Variants in SRPRA observed in about 807,000 individuals in gnomAD.
SRPRA encodes the protein signal recognition particle receptor subunit alpha.
SRPRA carries 30 observed loss-of-function variants against 61.1 expected under a neutral mutation model. That is an observed-to-expected ratio of 0.49 (90% CI 0.37 to 0.67). The LOEUF (loss-of-function observed/expected upper bound fraction) is 0.67. SRPRA is among the 30% of genes least tolerant of loss of function. SRPRA has a pLI of 0.00. For synonymous variants in SRPRA, 324 were observed against 299.7 expected, an observed-to-expected ratio of 1.08 and a Z score of -0.84; for missense variants, 759 against 828.4, an observed-to-expected ratio of 0.92 and a Z score of 1.03.
the SRPRA span, chr11:126,240,989 A>G: frequency 6.2e-7 from 1 of 1,613,894 alleles, no homozygotes; most frequent in Non-Finnish European, 8.5e-7. Flanking sequence ...AAATGTCTCC[A>G]TGAAGACAAG....
downstream of SRPRA, chr11:126,262,130 A>C (rs1349496914): frequency 6.2e-7 from 1 of 1,614,104 alleles, no homozygotes; most frequent in South Asian, 1.1e-5. Context: ...GCTGTAGTAC[A>C]TGAGCGAGCT....
chr11:126,240,203 G>C, the SRPRA span, among the ~76,000 whole-genome samples: 1 of 151,508 alleles, frequency 6.6e-6, no homozygotes, highest in Non-Finnish European at 1.5e-5. Context: ...CATGTCCTTT[G>C]ATTAGTTAAT....
At chr11:126,266,950 A>G (rs777831357) in intron 4 of SRPRA, 28 bp from the exon 5 acceptor site, 3 of 1,604,634 alleles carry the variant, frequency 1.9e-6, no homozygotes, top group Non-Finnish European at 1.7e-6. Context: ...CACTGAAGAA[A>G]AAAGAAGACC....
At chr11:126,242,328 G>A in the SRPRA span, among the ~76,000 whole-genome samples, 1 of 152,152 alleles carries the variant, frequency 6.6e-6, no homozygotes. Context: ...GGTGGCTCAT[G>A]CCTATAATCC....
At chr11:126,250,002 A>G in the SRPRA span, among the ~76,000 whole-genome samples, 2 of 152,102 alleles carry the variant, frequency 1.3e-5, no homozygotes, top group Admixed American at 6.6e-5. The surrounding 1 kb of genome is among the most constrained non-coding windows in gnomAD (Gnocchi z 5.1). Context: ...AGCACTTGCT[A>G]TCTGCTAAGC....
chr11:126,264,143 A>C lies in SRPRA; in HGVS notation c.1788+48T>G. The C allele has an allele frequency of 1.9e-6, 3 of 1,612,128 alleles. No individual in the cohort carries two copies. Among genetic ancestry groups the C allele is most frequent in the Non-Finnish European group, 2.5e-6 (3 of 1,178,618 alleles). Reference sequence around the variant, plus strand: ...GGAGCCAAGATTTCCTTGCAGCCTCAGCTCCTTTGTGCAGGACGCCCATTC... The same window carrying C: ...GGAGCCAAGATTTCCTTGCAGCCTCCGCTCCTTTGTGCAGGACGCCCATTC... On this transcript the variant is annotated intron_variant, in intron 13 of 13. Transcript: ENST00000332118. The surrounding 1 kb of genome is among the most constrained non-coding windows in gnomAD (Gnocchi z 5.0).
downstream of SRPRA, chr11:126,262,101 C>T (rs367937630): frequency 1.5e-4 from 238 of 1,613,796 alleles, no homozygotes; most frequent in Non-Finnish European, 1.9e-4. Context: ...ATTTTGTTCT[C>T]TTTTCTTTCT....
chr11:126,267,692 C>G lies in SRPRA; in HGVS notation c.222G>C (p.Leu74=). 1 of 1,614,076 alleles carries G rather than the reference C, an allele frequency of 6.2e-7. No individual in the cohort carries two copies. Among genetic ancestry groups the G allele is most frequent in the Non-Finnish European group, 8.5e-7 (1 of 1,180,022 alleles). The part of the protein sequence containing the change: ...LVFVVGFQKI[L]TLTYVDKLID... ...TCAATTTGTCTACATATGTCAGTGT[C>G]AGGATCTTCTGAAAACCAACCTGTT... The change falls in exon 3 of 14, where the codon CTG becomes CTC. Residue 74 remains leucine (L), a synonymous_variant. Coordinates refer to ENST00000332118, the MANE Select transcript of SRPRA (RefSeq NM_003139.4). The surrounding 1 kb of genome is among the most constrained non-coding windows in gnomAD (Gnocchi z 4.2).
the SRPRA span, among the ~76,000 whole-genome samples, chr11:126,246,299 C>T: frequency 6.6e-6 from 1 of 152,136 alleles, no homozygotes; most frequent in Non-Finnish European, 1.5e-5. Context: ...CTCAGCAGTA[C>T]TATGGCAGGG....
rs499205 is a variant in SRPRA at position 126,264,724 on chromosome 11, A to C, written c.1526-185T>G. On this transcript the variant is annotated intron_variant, in intron 11 of 13. Transcript: ENST00000332118. The surrounding 1 kb of genome is among the most constrained non-coding windows in gnomAD (Gnocchi z 5.0). ...ATCACCAAACATATTCAGGAAAAGG[A>C]GGACAACAGGATGAAGGTGACCAAA... The C allele has an allele frequency of 0.24, 192,856 of 803,238 alleles. 28,069 individuals carry two copies. The highest frequency in any genetic ancestry group is 0.64 in the East Asian group (23,829 of 37,258). The allele number at this position is 803,238 out of a possible 1,614,324, so 49.8% of individuals were successfully genotyped here.
the SRPRA span, chr11:126,254,512 G>A: frequency 1.9e-6 from 3 of 1,557,386 alleles, no homozygotes; most frequent in Non-Finnish European, 2.6e-6. Context: ...TCTTAAAGGG[G>A]AACATCTTCT....
Position 126,264,543 on chromosome 11 carries a change from GAGAA to G in SRPRA, c.1526-8_1526-5del. On this transcript the variant is annotated splice_polypyrimidine_tract_variant and splice_region_variant and intron_variant, in intron 11 of 13. Transcript: ENST00000332118. This position sits in a 1 kb window ranked among gnomAD's most constrained non-coding sequence, Gnocchi z 5.0. ...ACGTCAAAGCCTTGGTTACGTGCTA[GAGAA>G]AGAAAGTAGTCAACTCTGAACACCT... 6.2e-7 allele frequency: 1 copy of G among 1,612,258 alleles called. No individual in the cohort carries two copies. Among genetic ancestry groups the G allele is most frequent in the Non-Finnish European group, 8.5e-7 (1 of 1,179,876 alleles).
chr11:126,253,914 G>A, the SRPRA span, among the ~76,000 whole-genome samples: 2 of 152,318 alleles, frequency 1.3e-5, no homozygotes, highest in Admixed American at 6.5e-5. This position sits in a 1 kb window ranked among gnomAD's most constrained non-coding sequence, Gnocchi z 5.1. Flanking sequence ...AGCAAGCCAT[G>A]TGGTTAGCCT....
At chr11:126,252,122 G>T in the SRPRA span, among the ~76,000 whole-genome samples, 1 of 152,084 alleles carries the variant, frequency 6.6e-6, no homozygotes, top group Non-Finnish European at 1.5e-5. The surrounding 1 kb of genome is among the most constrained non-coding windows in gnomAD (Gnocchi z 4.7). Flanking sequence ...GAATAGCTGG[G>T]ATTACAGGCA....
chr11:126,262,403 C>T, downstream of SRPRA: 1 of 529,906 alleles, frequency 1.9e-6, no homozygotes, highest in Non-Finnish European at 3.4e-6. Context: ...GCTAGACATG[C>T]TTGTGTCCAC....
Position 126,265,510 on chromosome 11 carries a change from T to C in SRPRA, c.1139-70A>G. 6.5e-7 allele frequency: 1 copy of C among 1,536,566 alleles called. No individual in the cohort carries two copies. Among genetic ancestry groups the C allele is most frequent in the Non-Finnish European group, 8.8e-7 (1 of 1,133,732 alleles). On this transcript the variant is annotated intron_variant, in intron 9 of 13. Transcript: ENST00000332118. This position sits in a 1 kb window ranked among gnomAD's most constrained non-coding sequence, Gnocchi z 6.3. ...ATGCTCTCAAAAATGCCTAACACCTTTCTGAGCTAAGGGGACTAAAACAGT... is the reference window on the plus strand; with the variant it reads ...ATGCTCTCAAAAATGCCTAACACCTCTCTGAGCTAAGGGGACTAAAACAGT...
At chr11:126,258,027 C>G (rs934144743), downstream of SRPRA, among the ~76,000 whole-genome samples, 1 of 152,134 alleles carries the variant, frequency 6.6e-6, no homozygotes, top group Non-Finnish European at 1.5e-5. Flanking sequence ...CCATCTAATT[C>G]CAAAAAAACT....
At chr11:126,244,395 A>G in the SRPRA span, among the ~76,000 whole-genome samples, 2 of 152,238 alleles carry the variant, frequency 1.3e-5, no homozygotes, top group African/African-American at 4.8e-5. The surrounding 1 kb of genome is among the most constrained non-coding windows in gnomAD (Gnocchi z 4.5). Context: ...TCCGGGATCA[A>G]TATATAAAAA....
In SRPRA at chr11:126,264,083, A is replaced by G; in HGVS notation, c.1789-39T>C. On this transcript the variant is annotated intron_variant, in intron 13 of 13. Coordinates refer to ENST00000332118, the MANE Select transcript of SRPRA (RefSeq NM_003139.4). The surrounding 1 kb of genome is among the most constrained non-coding windows in gnomAD (Gnocchi z 5.0). ...GAGGACAGCCCATCAACACAAGCCC[A>G]CTTTTCACTCACCCTCTCAGGAACA... The G allele has an allele frequency of 6.2e-7, 1 of 1,613,734 alleles. No homozygotes were observed. Among genetic ancestry groups the G allele is most frequent in the Non-Finnish European group, 8.5e-7 (1 of 1,179,762 alleles).
Sources: gnomAD v4.1 joint callset for allele counts (sites outside exome capture counted in the v4.1 genomes callset) on GRCh38, gnomAD v4.1.1 for gene constraint, Gnocchi (gnomAD v3.1) non-coding constraint, MANE v1.5 for transcripts, NCBI Gene and HGNC (gene_info 2026-07-23, HGNC 2026-07-21) for gene names.